Variants in RAB38 observed in about 807,000 individuals in gnomAD.
The protein encoded by RAB38 is ras-related protein Rab-38.
RAB38 carries 15 observed loss-of-function variants against 18.4 expected under a neutral mutation model. The ratio of observed to expected loss-of-function variants is 0.82; its 90% confidence interval spans 0.55 to 1.26. The LOEUF (loss-of-function observed/expected upper bound fraction) is 1.26, where lower values mean the gene tolerates loss of function less well. Ranked by LOEUF, RAB38 falls within the 50% of genes most tolerant of loss-of-function variation. RAB38 has a pLI of 0.00. For missense variants in RAB38, 294 were observed against 267.4 expected (o/e 1.10, Z -0.69); for synonymous variants, 101 against 104.4 (o/e 0.97, Z 0.20).
At chr11:87,871,609 G>C in the RAB38 span, among the ~76,000 whole-genome samples, 1 of 151,418 alleles carries the variant, frequency 6.6e-6, no homozygotes. Flanking sequence ...TAAGTATGTA[G>C]ATAAATGATT....
chr11:88,123,226 T>C (rs745731575), intron 2 of RAB38, among the ~76,000 whole-genome samples: 1 of 152,288 alleles, frequency 6.6e-6, no homozygotes, highest in Non-Finnish European at 1.5e-5. Context: ...TAATGCTTTG[T>C]TTGTGTATCC....
the RAB38 span, among the ~76,000 whole-genome samples, chr11:87,857,000 C>T: frequency 1.3e-5 from 2 of 152,048 alleles, no homozygotes; most frequent in African/African-American, 4.8e-5. Flanking sequence ...TCTCCTAATG[C>T]TATCCCTCCC....
the RAB38 span, among the ~76,000 whole-genome samples, chr11:87,851,756 C>A: frequency 6.6e-6 from 1 of 152,110 alleles, no homozygotes; most frequent in African/African-American, 2.4e-5. Context: ...GAGCCTGGGT[C>A]TTTCTGGGAA....
chr11:87,859,963 A>T, the RAB38 span, among the ~76,000 whole-genome samples: 1 of 152,016 alleles, frequency 6.6e-6, no homozygotes, highest in Admixed American at 6.6e-5. Context: ...TCATGTGCCC[A>T]TCTGCAAACC....
At chr11:87,914,799 C>T in the RAB38 span, among the ~76,000 whole-genome samples, 7 of 152,192 alleles carry the variant, frequency 4.6e-5, no homozygotes, top group African/African-American at 1.7e-4. Flanking sequence ...GACACTGCTT[C>T]TTGCATCCTA....
the RAB38 span, among the ~76,000 whole-genome samples, chr11:88,058,408 GA>G: frequency 1.3e-5 from 2 of 152,158 alleles, no homozygotes; most frequent in Non-Finnish European, 2.9e-5. Flanking sequence ...GCAACTTTGA[GA>G]ATCTACTTCC....
At chr11:87,947,526 A>G in the RAB38 span, among the ~76,000 whole-genome samples, 6 of 152,240 alleles carry the variant, frequency 3.9e-5, no homozygotes, top group South Asian at 1.2e-3. Flanking sequence ...TTTCAGGTCT[A>G]ACATTTAAGT....
the RAB38 span, among the ~76,000 whole-genome samples, chr11:87,871,709 A>G: frequency 6.6e-6 from 1 of 151,592 alleles, no homozygotes; most frequent in Non-Finnish European, 1.5e-5. Context: ...TGGCTAACAA[A>G]TATTCTAACT....
chr11:88,172,024 AAAC>A (rs1266869193), intron 1 of RAB38, among the ~76,000 whole-genome samples: 1 of 152,246 alleles, frequency 6.6e-6, no homozygotes, highest in Non-Finnish European at 1.5e-5. Context: ...CCTACTAATG[AAAC>A]AACACCTTTA....
chr11:87,885,011 A>T, the RAB38 span, among the ~76,000 whole-genome samples: 1 of 151,908 alleles, frequency 6.6e-6, no homozygotes, highest in Non-Finnish European at 1.5e-5. Flanking sequence ...AAAAATAGAG[A>T]CCCACAGGTC....
At chr11:87,933,593 G>C in the RAB38 span, among the ~76,000 whole-genome samples, 1 of 151,846 alleles carries the variant, frequency 6.6e-6, no homozygotes, top group African/African-American at 2.4e-5. Context: ...TCTCTGGGCA[G>C]AATTGAGAAC....
At chr11:87,919,076 T>G in the RAB38 span, among the ~76,000 whole-genome samples, 3 of 152,096 alleles carry the variant, frequency 2.0e-5, no homozygotes, top group Admixed American at 6.6e-5. Flanking sequence ...CTTCTGTGTG[T>G]AGATATCCAG....
chr11:87,805,263 T>C, the RAB38 span, among the ~76,000 whole-genome samples: 1 of 152,294 alleles, frequency 6.6e-6, no homozygotes, highest in East Asian at 1.9e-4. Context: ...CATCCATATG[T>C]GCAACTATCT....
At chr11:87,941,242 T>TAGG in the RAB38 span, among the ~76,000 whole-genome samples, 1 of 134,154 alleles carries the variant, frequency 7.5e-6, no homozygotes, top group African/African-American at 2.8e-5. Flanking sequence ...TATATATATA[T>TAGG]ATATGTAACT....
chr11:88,057,972 G>A, the RAB38 span, among the ~76,000 whole-genome samples: 1 of 152,142 alleles, frequency 6.6e-6, no homozygotes, highest in Non-Finnish European at 1.5e-5. Flanking sequence ...ATCAGCTAGA[G>A]GTACTTACCC....
chr11:88,058,670 G>A, the RAB38 span, among the ~76,000 whole-genome samples: 2 of 152,078 alleles, frequency 1.3e-5, no homozygotes, highest in African/African-American at 4.8e-5. Flanking sequence ...CATGGTCCTG[G>A]CCTTTTTGTT....
the RAB38 span, among the ~76,000 whole-genome samples, chr11:87,893,536 A>G: frequency 6.6e-6 from 1 of 151,198 alleles, no homozygotes; most frequent in African/African-American, 2.4e-5. Context: ...GCAAAACATT[A>G]AATTTACCAT....
At chr11:88,101,650 T>G in the RAB38 span, among the ~76,000 whole-genome samples, 1 of 151,856 alleles carries the variant, frequency 6.6e-6, no homozygotes, top group Non-Finnish European at 1.5e-5. Flanking sequence ...ATGCATATTT[T>G]ATATTTGTTG....
chr11:88,071,271 CG>C, the RAB38 span, among the ~76,000 whole-genome samples: 2 of 150,910 alleles, frequency 1.3e-5, no homozygotes, highest in Non-Finnish European at 3.0e-5. Flanking sequence ...CACACACACA[CG>C]TGTGCAAGCA....
Sources: gnomAD v4.1 joint callset for allele counts (sites outside exome capture counted in the v4.1 genomes callset) on GRCh38, gnomAD v4.1.1 for gene constraint, MANE v1.5 for transcripts, NCBI Gene and HGNC (gene_info 2026-07-23, HGNC 2026-07-21) for gene names.